KCND3: variants seen among roughly 807,000 people sequenced by gnomAD.
KCND3 encodes the protein A-type voltage-gated potassium channel KCND3.
Under a neutral mutation model 51.1 loss-of-function variants are expected in KCND3, and 9 were observed. That is an observed-to-expected ratio of 0.18 (90% CI 0.11 to 0.31). The LOEUF (loss-of-function observed/expected upper bound fraction) is 0.31, where lower values mean the gene tolerates loss of function less well. Among genes scored for constraint, KCND3 ranks in the 10% least tolerant of loss-of-function variants. The probability of loss-of-function intolerance (pLI) is 1.00; values close to 1 mark genes in which losing one functional copy is unlikely to be tolerated. For synonymous variants in KCND3, 349 were observed against 368.0 expected (o/e 0.95, Z 0.59); for missense variants, 526 against 903.8 (o/e 0.58, Z 5.36).
chr1:111,938,103 T>C (rs895734304), intron 2 of KCND3, among the ~76,000 whole-genome samples: 1 of 152,190 alleles, frequency 6.6e-6, no homozygotes, highest in Non-Finnish European at 1.5e-5. Flanking sequence ...CCTCACTGAC[T>C]TAAGCCCTCA....
chr1:111,885,611 C>T (rs1669532902), intron 2 of KCND3, among the ~76,000 whole-genome samples: 1 of 151,986 alleles, frequency 6.6e-6, no homozygotes, highest in Non-Finnish European at 1.5e-5. Context: ...GAGGGAAGGC[C>T]AACTGGGCAG....
intron 2 of KCND3, among the ~76,000 whole-genome samples, chr1:111,940,659 G>A (rs559243564): frequency 5.9e-5 from 9 of 152,092 alleles, no homozygotes; most frequent in East Asian, 3.8e-4. Context: ...TTGTCTCAAC[G>A]CAGTTTTGAA....
At chr1:111,861,576 G>A (rs1189665668) in intron 2 of KCND3, among the ~76,000 whole-genome samples, 4 of 152,074 alleles carry the variant, frequency 2.6e-5, no homozygotes, top group South Asian at 2.1e-4. Flanking sequence ...GGAGGGAAGC[G>A]GGTGGCAGGA....
At chr1:111,882,234 A>C (rs200486604) in intron 2 of KCND3, among the ~76,000 whole-genome samples, 2 of 152,324 alleles carry the variant, frequency 1.3e-5, no homozygotes, top group East Asian at 3.9e-4. Flanking sequence ...TTCTTTGGGA[A>C]GAAAAAGAAG....
rs1306731723 is a variant in KCND3 at position 111,780,655 on chromosome 1, T to C, written c.1371+35A>G. On this transcript the variant is annotated intron_variant, in intron 4 of 7. Coordinates refer to ENST00000302127, the MANE Select transcript of KCND3 (RefSeq NM_001378969.1). The surrounding 1 kb of genome is among the most constrained non-coding windows in gnomAD (Gnocchi z 4.2). ...AGAGAAAACAAGCCCATCTACCCCT[T>C]TATGTTCCCTAGCCCAGGTCCTCTA... 6 of 1,548,308 alleles carry C rather than the reference T, an allele frequency of 3.9e-6. No homozygotes were observed. Among genetic ancestry groups the C allele is most frequent in the Non-Finnish European group, 4.4e-6 (5 of 1,132,374 alleles).
At position 111,981,629 on chromosome 1, in the gene KCND3, G is replaced by T; in HGVS notation, c.1098C>A (p.Thr366=). 6.2e-7 allele frequency: 1 copy of T among 1,614,130 alleles called. No homozygotes were observed. The highest frequency in any genetic ancestry group is 8.5e-7 in the Non-Finnish European group (1 of 1,180,018). ...CACCAGCGCTGACTTACCCCAGTGTGGTCATGGTGACAATGGTGTACCAAA... is the reference window on the plus strand; with the variant it reads ...CACCAGCGCTGACTTACCCCAGTGTTGTCATGGTGACAATGGTGTACCAAA... ...ASFWYTIVTM[T]TLGYGDMVPK... Residue 366 remains threonine, a synonymous_variant, in exon 2 of 8, where the codon ACC becomes ACA. Coordinates refer to ENST00000302127, the MANE Select transcript of KCND3 (RefSeq NM_001378969.1). This position sits in a 1 kb window ranked among gnomAD's most constrained non-coding sequence, Gnocchi z 6.2.
At chr1:111,815,652 C>T (rs1361441989) in intron 2 of KCND3, among the ~76,000 whole-genome samples, 1 of 151,656 alleles carries the variant, frequency 6.6e-6, no homozygotes, top group African/African-American at 2.4e-5. Flanking sequence ...GACCCTGCTC[C>T]TTGGCTATAA....
intron 2 of KCND3, among the ~76,000 whole-genome samples, chr1:111,838,696 ACAACAACAT>A (rs1458111328): frequency 6.6e-6 from 1 of 152,070 alleles, no homozygotes; most frequent in African/African-American, 2.4e-5. Context: ...AACAACAACA[ACAACAACAT>A]CAACAAAAGC....
chr1:111,971,255 C>T (rs1273999265), intron 2 of KCND3, among the ~76,000 whole-genome samples: 1 of 146,544 alleles, frequency 6.8e-6, no homozygotes, highest in Non-Finnish European at 1.5e-5. Context: ...ATTCTGCTTT[C>T]TTGGGTGGGT....
chr1:111,790,464 C>T (rs1664780112), intron 2 of KCND3, among the ~76,000 whole-genome samples: 1 of 152,188 alleles, frequency 6.6e-6, no homozygotes, highest in Non-Finnish European at 1.5e-5. Context: ...CCATATTTCC[C>T]ATGCCCCAAT....
At chr1:111,933,033 G>C (rs1672053776) in intron 2 of KCND3, among the ~76,000 whole-genome samples, 3 of 152,154 alleles carry the variant, frequency 2.0e-5, no homozygotes, top group African/African-American at 7.2e-5. Context: ...TCAAGGGTGG[G>C]ACCAGGTGGA....
intron 1 of KCND3, among the ~76,000 whole-genome samples, chr1:111,988,541 C>T (rs1212358575): frequency 2.6e-5 from 4 of 152,170 alleles, no homozygotes; most frequent in Admixed American, 6.5e-5. Context: ...TGTACACATG[C>T]TTTGTATTGA....
At chr1:111,785,548 C>G (rs1265991593) in intron 3 of KCND3, among the ~76,000 whole-genome samples, 1 of 152,026 alleles carries the variant, frequency 6.6e-6, no homozygotes, top group African/African-American at 2.4e-5. Context: ...GCAGAGGGGA[C>G]AGCAGGGCAA....
At position 111,982,764 on chromosome 1, in the gene KCND3, C is replaced by G. The variant is rs781724100; in HGVS notation, c.-38G>C. The G allele has an allele frequency of 3.8e-6, 6 of 1,576,890 alleles. No individual in the cohort carries two copies. Among genetic ancestry groups the G allele is most frequent in the Non-Finnish European group, 5.1e-6 (6 of 1,168,746 alleles). ...TCTTGGGCCGGCAGCCGCGCGGACG[C>G]TAGGCACACCAGCTTGGAGTTAGTT... On this transcript the variant is annotated 5_prime_UTR_variant, in exon 2 of 8. Coordinates refer to ENST00000302127, the MANE Select transcript of KCND3 (RefSeq NM_001378969.1). This position sits in a 1 kb window ranked among gnomAD's most constrained non-coding sequence, Gnocchi z 8.5.
At chr1:111,855,341 G>A (rs546933241) in intron 2 of KCND3, among the ~76,000 whole-genome samples, 1 of 152,180 alleles carries the variant, frequency 6.6e-6, no homozygotes, top group African/African-American at 2.4e-5. Flanking sequence ...TCCGTTATCC[G>A]AAAGCTAACT....
At position 111,845,181 on chromosome 1, in the gene KCND3, C is replaced by T. The variant is rs999686520; in HGVS notation, c.1107-58075G>A. Reference sequence around the variant, plus strand: ...TCTGAAGAGCAAAGTTTTTGGCAGCCTCTTTGCAGCATCTAACACTTGAAA... The same window carrying T: ...TCTGAAGAGCAAAGTTTTTGGCAGCTTCTTTGCAGCATCTAACACTTGAAA... On this transcript the variant is annotated intron_variant, in intron 2 of 7. Coordinates refer to ENST00000302127, the MANE Select transcript of KCND3 (RefSeq NM_001378969.1). 9.2e-5 allele frequency among the ~76,000 whole-genome samples: 14 copies of T among 152,168 alleles called. 1 individual carries two copies. In the East Asian group the frequency reaches 2.7e-3, roughly 29 times the overall value.
At chr1:111,827,661 T>G (rs1021517935) in intron 2 of KCND3, among the ~76,000 whole-genome samples, 3 of 152,204 alleles carry the variant, frequency 2.0e-5, no homozygotes, top group African/African-American at 7.2e-5. Flanking sequence ...ACAACCATGT[T>G]ATATATGAGG....
At chr1:111,980,203 A>AGTGTGTGTGTGTGTGTGTGT (rs58988523) in intron 2 of KCND3, among the ~76,000 whole-genome samples, 6 of 143,044 alleles carry the variant, frequency 4.2e-5, no homozygotes, top group Admixed American at 2.1e-4. Context: ...CCATTTGAAG[A>AGTGTGTGTGTGTGTGTGTGT]GTGTGTGTGT....
At chr1:111,831,638 A>G (rs1169875707) in intron 2 of KCND3, among the ~76,000 whole-genome samples, 1 of 152,258 alleles carries the variant, frequency 6.6e-6, no homozygotes, top group South Asian at 2.1e-4. Flanking sequence ...CAAGGTAACA[A>G]CTCAGGTCTC....
Sources: gnomAD v4.1 joint callset for allele counts (sites outside exome capture counted in the v4.1 genomes callset) on GRCh38, gnomAD v4.1.1 for gene constraint, Gnocchi (gnomAD v3.1) non-coding constraint, MANE v1.5 for transcripts, NCBI Gene and HGNC (gene_info 2026-07-23, HGNC 2026-07-21) for gene names.